Variants in ADGB observed in about 807,000 individuals in gnomAD.
ADGB encodes androglobin, also known as calpain-7-like protein.
In ADGB, 172 loss-of-function variants were observed where a neutral mutation model predicts 210.5. That is an observed-to-expected ratio of 0.82 (90% CI 0.72 to 0.93). ADGB has a LOEUF of 0.93. Among genes scored for constraint, ADGB ranks in the 40% least tolerant of loss-of-function variants. The probability of loss-of-function intolerance (pLI) is 0.00; values close to 1 mark genes in which losing one functional copy is unlikely to be tolerated. For synonymous variants in ADGB, 658 were observed against 662.7 expected, an observed-to-expected ratio of 0.99 and a Z score of 0.11; for missense variants, 2,025 against 1,964.8, an observed-to-expected ratio of 1.03 and a Z score of -0.58.
At chr6:146,703,101 T>C (rs1776515652) in intron 13 of ADGB, among the ~76,000 whole-genome samples, 1 of 151,914 alleles carries the variant, frequency 6.6e-6, no homozygotes, top group East Asian at 1.9e-4. Context: ...AATGCCTGCT[T>C]ATGTCTTTTG....
At chr6:146,766,402 G>A (rs1056211095) in intron 28 of ADGB, among the ~76,000 whole-genome samples, 4 of 150,842 alleles carry the variant, frequency 2.7e-5, no homozygotes, top group East Asian at 2.0e-4. Flanking sequence ...ATTCCAGGCT[G>A]GGCGACAGAG....
intron 1 of ADGB, among the ~76,000 whole-genome samples, chr6:146,615,080 T>C (rs989128304): frequency 4.0e-5 from 6 of 150,572 alleles, no homozygotes; most frequent in South Asian, 4.2e-4. Context: ...TTTTTTTTTT[T>C]GTATTTTTAG....
chr6:146,604,783 T>C (rs909218994), intron 1 of ADGB, among the ~76,000 whole-genome samples: 2 of 152,050 alleles, frequency 1.3e-5, no homozygotes, highest in Non-Finnish European at 2.9e-5. Context: ...CTAGGAAATA[T>C]AGAGTAATGC....
intron 27 of ADGB, among the ~76,000 whole-genome samples, chr6:146,759,320 A>G (rs1056044424): frequency 1.3e-5 from 2 of 151,834 alleles, no homozygotes; most frequent in African/African-American, 2.4e-5. Context: ...TTTACAGAAT[A>G]TCTGTATATC....
chr6:146,794,242 G>A (rs1778002421), intron 33 of ADGB, among the ~76,000 whole-genome samples: 3 of 152,120 alleles, frequency 2.0e-5, no homozygotes, highest in African/African-American at 4.8e-5. Context: ...ATATGCCTTG[G>A]CTGGGTAGAC....
Position 146,599,013 on chromosome 6 carries a change from C to T in ADGB, c.-28C>T, listed in dbSNP as rs866305964. 6.5e-7 allele frequency: 1 copy of T among 1,545,192 alleles called. No homozygotes were observed. On this transcript the variant is annotated 5_prime_UTR_variant, in exon 1 of 36. Coordinates refer to ENST00000397944, the MANE Select transcript of ADGB (RefSeq NM_024694.4). Reference sequence around the variant, plus strand: ...GCGCCCGCAGGCTCTTTGCTCAGAGCTCAGCCCTACATAGATCGGCTTCTG... The same window carrying T: ...GCGCCCGCAGGCTCTTTGCTCAGAGTTCAGCCCTACATAGATCGGCTTCTG...
intron 1 of ADGB, among the ~76,000 whole-genome samples, chr6:146,604,615 A>G (rs1258286616): frequency 6.6e-6 from 1 of 152,170 alleles, no homozygotes; most frequent in Non-Finnish European, 1.5e-5. Flanking sequence ...CCCAGAGGAT[A>G]GCTTATTCTT....
At chr6:146,693,947 A>G (rs1027042854) in intron 12 of ADGB, among the ~76,000 whole-genome samples, 1 of 152,080 alleles carries the variant, frequency 6.6e-6, no homozygotes, top group Non-Finnish European at 1.5e-5. Flanking sequence ...TTTACTATCC[A>G]TATTTCTACC....
At chr6:146,748,027 A>C (rs117174391) in intron 26 of ADGB, among the ~76,000 whole-genome samples, 7,762 of 151,878 alleles carry the variant, frequency 0.051, 211 homozygotes, top group Middle Eastern at 0.071. Context: ...AAGTGAGGCC[A>C]CCTGTCTCAG....
At chr6:146,637,728 T>A (rs1344966218) in intron 2 of ADGB, among the ~76,000 whole-genome samples, 1 of 152,020 alleles carries the variant, frequency 6.6e-6, no homozygotes, top group African/African-American at 2.4e-5. Context: ...TAAGACATCA[T>A]TATCTAGAGC....
chr6:146,661,452 A>G (rs1474518336), intron 5 of ADGB, among the ~76,000 whole-genome samples: 2 of 151,558 alleles, frequency 1.3e-5, no homozygotes, highest in Non-Finnish European at 2.9e-5. Context: ...TCCTGACCTC[A>G]AGTGATCCTC....
At chr6:146,612,179 T>C (rs7769729) in intron 1 of ADGB, among the ~76,000 whole-genome samples, 145,130 of 152,306 alleles carry the variant, frequency 0.95, 69,240 homozygotes, top group African/African-American at 0.99. Context: ...TTTCTGTCCT[T>C]TACCTATGAA....
At chr6:146,706,795 C>T (rs1050877464) in intron 13 of ADGB, among the ~76,000 whole-genome samples, 1 of 142,870 alleles carries the variant, frequency 7.0e-6, no homozygotes, top group Non-Finnish European at 1.5e-5. Flanking sequence ...CTTAATTAGT[C>T]TAGCAAAAGG....
At chr6:146,612,889 A>T (rs1014877068) in intron 1 of ADGB, among the ~76,000 whole-genome samples, 2 of 152,090 alleles carry the variant, frequency 1.3e-5, no homozygotes, top group African/African-American at 4.8e-5. Flanking sequence ...CCATTATTCC[A>T]CTTTTCTACT....
chr6:146,740,015 C>T (rs1380877734), intron 23 of ADGB, among the ~76,000 whole-genome samples: 1 of 152,228 alleles, frequency 6.6e-6, no homozygotes, highest in Non-Finnish European at 1.5e-5. Context: ...TTTTTAAAAT[C>T]TATTTTTCCA....
At chr6:146,786,202 T>C (rs966908667) in intron 32 of ADGB, among the ~76,000 whole-genome samples, 26 of 147,960 alleles carry the variant, frequency 1.8e-4, no homozygotes, top group Non-Finnish European at 3.4e-4. Flanking sequence ...ATATTATATA[T>C]ATTTAAGTAT....
chr6:146,805,196 G>C (rs1165952107), intron 35 of ADGB, among the ~76,000 whole-genome samples: 4 of 152,168 alleles, frequency 2.6e-5, no homozygotes, highest in Non-Finnish European at 5.9e-5. Flanking sequence ...CATTGGCTGT[G>C]ACTATTTCTA....
chr6:146,796,037 A>G (rs1351144462), intron 33 of ADGB, among the ~76,000 whole-genome samples: 1 of 152,148 alleles, frequency 6.6e-6, no homozygotes, highest in Non-Finnish European at 1.5e-5. Context: ...AATAAGTAGC[A>G]CTGTTATACA....
chr6:146,763,897 T>A lies in ADGB; in HGVS notation c.3551-4T>A. 6.5e-7 allele frequency: 1 copy of A among 1,548,862 alleles called. No individual in the cohort carries two copies. Among genetic ancestry groups the A allele is most frequent in the Non-Finnish European group, 8.7e-7 (1 of 1,145,716 alleles). On this transcript the variant is annotated splice_region_variant and splice_polypyrimidine_tract_variant and intron_variant, in intron 27 of 35. Coordinates refer to ENST00000397944, the MANE Select transcript of ADGB (RefSeq NM_024694.4). ...AACTTTAACTTAGTATTTCTCCTAT[T>A]CAGCTAGCAAGCACATTCTTTCATT... is the stretch of plus-strand genomic sequence containing the variant.
Sources: allele counts gnomAD v4.1 joint callset (sites outside exome capture counted in the v4.1 genomes callset), GRCh38; gene constraint gnomAD v4.1.1; transcripts MANE v1.5; gene names NCBI Gene and HGNC (gene_info 2026-07-23, HGNC 2026-07-21).